The following KCNH8 variants were observed in gnomAD, a reference collection of about 807,000 sequenced individuals.
KCNH8 encodes voltage-gated delayed rectifier potassium channel KCNH8.
In KCNH8, 70 loss-of-function variants were observed where a neutral mutation model predicts 103.6. The observed-to-expected ratio is 0.68, with a 90% CI of 0.56 to 0.82. KCNH8 has a LOEUF of 0.82. KCNH8 is among the 40% of genes least tolerant of loss of function. KCNH8 has a pLI of 0.00. For synonymous variants in KCNH8, 498 were observed against 489.4 expected, an observed-to-expected ratio of 1.02 and a Z score of -0.23; for missense variants, 1,217 against 1,329.9, an observed-to-expected ratio of 0.92 and a Z score of 1.32.
chr3:19,267,883 T>C (rs1004075070), intron 2 of KCNH8, among the ~76,000 whole-genome samples: 10 of 152,122 alleles, frequency 6.6e-5, no homozygotes, highest in Non-Finnish European at 7.4e-5. Context: ...TTCTGTAATA[T>C]GGCAATAACA....
intron 8 of KCNH8, among the ~76,000 whole-genome samples, chr3:19,442,045 C>T (rs1209055228): frequency 6.6e-6 from 1 of 152,180 alleles, no homozygotes; most frequent in East Asian, 1.9e-4. Context: ...CTTGGAAAGA[C>T]AGTGCCATGG....
intron 1 of KCNH8, among the ~76,000 whole-genome samples, chr3:19,232,298 TTCCTCAACCATA>T (rs2064004674): frequency 6.6e-6 from 1 of 152,216 alleles, no homozygotes. Flanking sequence ...TTGGTTTTAT[TTCCTCAACCATA>T]TCCTTCACTG....
intron 5 of KCNH8, among the ~76,000 whole-genome samples, chr3:19,378,225 A>T (rs563859166): frequency 6.6e-6 from 1 of 152,228 alleles, no homozygotes; most frequent in Non-Finnish European, 1.5e-5. Flanking sequence ...AAATTTGTAC[A>T]TATCACTTTC....
intron 1 of KCNH8, among the ~76,000 whole-genome samples, chr3:19,243,432 A>C (rs2064166851): frequency 6.6e-6 from 1 of 152,164 alleles, no homozygotes; most frequent in South Asian, 2.1e-4. Context: ...GTTTAGTCTT[A>C]TGTTTCCTGT....
Position 19,247,448 on chromosome 3 carries a change from A to G in KCNH8, c.77-6206A>G, listed in dbSNP as rs111271050. On this transcript the variant is annotated intron_variant, in intron 1 of 15. Transcript: ENST00000328405. ...CAGAAATGACTGTGTTCAATATCAC[A>G]AGGGATACAAACGTTGTCTTTGTTG... 7.9e-3 allele frequency among the ~76,000 whole-genome samples: 1,196 copies of G among 152,336 alleles called. 21 individuals are homozygous for G. Among genetic ancestry groups the G allele is most frequent in the African/African-American group, 0.027 (1,117 of 41,570 alleles).
At chr3:19,338,320 G>C (rs375589606) in intron 3 of KCNH8, among the ~76,000 whole-genome samples, 5 of 151,602 alleles carry the variant, frequency 3.3e-5, no homozygotes, top group Non-Finnish European at 5.9e-5. Flanking sequence ...TTTGCTCCTC[G>C]ACCCTATCTT....
chr3:19,164,825 C>A (rs1048967263), intron 1 of KCNH8, among the ~76,000 whole-genome samples: 2 of 152,016 alleles, frequency 1.3e-5, no homozygotes, highest in African/African-American at 2.4e-5. Flanking sequence ...AAAGTACCCA[C>A]AAGGCTGTTT....
intron 2 of KCNH8, among the ~76,000 whole-genome samples, chr3:19,260,496 A>G (rs1193649972): frequency 2.4e-5 from 2 of 82,148 alleles, no homozygotes; most frequent in African/African-American, 8.6e-5. Context: ...GGATATATAT[A>G]TATATATATA....
intron 7 of KCNH8, among the ~76,000 whole-genome samples, chr3:19,428,524 C>T (rs927871183): frequency 6.6e-6 from 1 of 152,012 alleles, no homozygotes; most frequent in Admixed American, 6.5e-5. Context: ...ACAGAAATCC[C>T]ATATTTAAAA....
At chr3:19,458,579 C>T (rs577547251) in intron 11 of KCNH8, among the ~76,000 whole-genome samples, 5 of 151,994 alleles carry the variant, frequency 3.3e-5, no homozygotes, top group South Asian at 2.1e-4. Context: ...CATTTCCTCA[C>T]GTTTATCATT....
intron 11 of KCNH8, among the ~76,000 whole-genome samples, chr3:19,464,381 A>C (rs1435846116): frequency 6.6e-6 from 1 of 152,138 alleles, no homozygotes; most frequent in Admixed American, 6.5e-5. Flanking sequence ...AGATACTTAA[A>C]ACTCAATTCC....
At chr3:19,453,905 G>A (rs1361975336) in intron 10 of KCNH8, among the ~76,000 whole-genome samples, 3 of 152,112 alleles carry the variant, frequency 2.0e-5, no homozygotes, top group Admixed American at 1.3e-4. Flanking sequence ...AGACACTAGT[G>A]AATGATGAAA....
chr3:19,286,655 C>G (rs774484797), intron 3 of KCNH8, among the ~76,000 whole-genome samples: 7 of 152,064 alleles, frequency 4.6e-5, no homozygotes, highest in Admixed American at 3.3e-4. Flanking sequence ...TTTTGTATAT[C>G]CTCCCATATA....
intron 3 of KCNH8, among the ~76,000 whole-genome samples, chr3:19,321,104 A>G (rs1292853648): frequency 6.6e-6 from 1 of 151,792 alleles, no homozygotes; most frequent in East Asian, 1.9e-4. Context: ...CTGATGGTCT[A>G]TGCGTTTTAT....
chr3:19,153,635 C>CTTTT (rs773828081), intron 1 of KCNH8, among the ~76,000 whole-genome samples: 1 of 128,914 alleles, frequency 7.8e-6, no homozygotes, highest in Non-Finnish European at 1.7e-5. Context: ...TTTCTTTTTT[C>CTTTT]TTTTTTTTTT....
At chr3:19,190,773 T>C (rs2063544446) in intron 1 of KCNH8, among the ~76,000 whole-genome samples, 1 of 151,918 alleles carries the variant, frequency 6.6e-6, no homozygotes, top group African/African-American at 2.4e-5. Flanking sequence ...TTTAGGACTG[T>C]GCGCAGGAAG....
At chr3:19,258,958 TATATA>T in intron 2 of KCNH8, among the ~76,000 whole-genome samples, 1 of 124,764 alleles carries the variant, frequency 8.0e-6, no homozygotes, top group Non-Finnish European at 1.7e-5. Flanking sequence ...TATATATATA[TATATA>T]TATATATATA....
rs977209060 is a variant in KCNH8, at chr3:19,534,717, A to C, written c.*618A>C. ...TATCCTTGGTATGAAATATGTATTT[A>C]AACTATTTAAATATTTATAAAGAAA... On this transcript the variant is annotated 3_prime_UTR_variant, in exon 16 of 16. Transcript: ENST00000328405. 4 of 152,652 alleles carry C rather than the reference A, an allele frequency of 2.6e-5. No homozygotes were observed. Among genetic ancestry groups the C allele is most frequent in the Admixed American group, 2.0e-4 (3 of 15,274 alleles). 9.5% of individuals were successfully genotyped at this position (152,652 alleles called of 1,614,324 possible). A position where few individuals can be genotyped will look rare whatever the true frequency, so the allele number is the denominator to read the frequency against.
chr3:19,372,241 T>G (rs1329401424), intron 5 of KCNH8, among the ~76,000 whole-genome samples: 1 of 152,118 alleles, frequency 6.6e-6, no homozygotes, highest in East Asian at 1.9e-4. Context: ...TTCCTACCCA[T>G]GAGCATGGAA....
Sources: gnomAD v4.1 joint callset for allele counts (sites outside exome capture counted in the v4.1 genomes callset) on GRCh38, gnomAD v4.1.1 for gene constraint, MANE v1.5 for transcripts, NCBI Gene and HGNC (gene_info 2026-07-23, HGNC 2026-07-21) for gene names.